The following RYR3 variants were observed in gnomAD, a reference collection of about 807,000 sequenced individuals.
RYR3 encodes the protein brain ryanodine receptor-calcium release channel.
RYR3 carries 207 observed loss-of-function variants against 584.3 expected under a neutral mutation model. The observed-to-expected ratio is 0.35, with a 90% CI of 0.32 to 0.40. The LOEUF is 0.40. Ranked by LOEUF, RYR3 falls within the 10% of genes least tolerant of loss-of-function variation. The pLI is 1.00. For synonymous variants in RYR3, 2,416 were observed against 2,248.5 expected (o/e 1.07, Z -2.11); for missense variants, 5,616 against 6,089.2 (o/e 0.92, Z 2.59).
At chr15:33,768,515 C>G in intron 60 of RYR3, 143 bp from the exon 61 acceptor site, 1 of 725,500 alleles carries the variant, frequency 1.4e-6, no homozygotes, top group Non-Finnish European at 2.5e-6. Flanking sequence ...CCAGAGGATT[C>G]TTTGCTAGGA....
intron 67 of RYR3, among the ~76,000 whole-genome samples, chr15:33,789,986 CTTTTT>C (rs757370991): frequency 4.7e-4 from 25 of 53,256 alleles, no homozygotes; most frequent in Non-Finnish European, 7.6e-4. Flanking sequence ...GCCTGGCCTT[CTTTTT>C]TTTTTTTTTT....
rs1300734856 is a variant in RYR3 at position 33,800,573 on chromosome 15, ATCTAC to A, written c.9831-192_9831-188del. ...ATAATTACTGTAGATCTTTCAAGAA[ATCTAC>A]TCTAATTATGTACCTATATCTGAAT... On this transcript the variant is annotated intron_variant, in intron 67 of 103. Transcript: ENST00000634891. 5.3e-5 allele frequency among the ~76,000 whole-genome samples: 8 copies of A among 152,340 alleles called. No homozygotes were observed. In the East Asian group the frequency reaches 1.3e-3, roughly 26 times the overall value.
chr15:33,568,937 T>C (rs936444127), intron 12 of RYR3, among the ~76,000 whole-genome samples: 1 of 152,242 alleles, frequency 6.6e-6, no homozygotes, highest in African/African-American at 2.4e-5. Flanking sequence ...ATGTTGTCTT[T>C]TGAATCTGGC....
At chr15:33,725,460 C>T (rs2068316409) in intron 45 of RYR3, among the ~76,000 whole-genome samples, 1 of 152,142 alleles carries the variant, frequency 6.6e-6, no homozygotes, top group African/African-American at 2.4e-5. Context: ...CAGAGACTGC[C>T]TGTGCAGGGG....
chr15:33,503,785 TC>T, intron 3 of RYR3, 47 bp downstream of exon 3: 2 of 1,088,886 alleles, frequency 1.8e-6, no homozygotes, highest in Non-Finnish European at 2.8e-6. Flanking sequence ...GTGCACCACA[TC>T]CCCAAAATAC....
chr15:33,649,128 C>T lies in RYR3; in HGVS notation c.4035C>T (p.Val1345=), dbSNP rs748742282. ...GACAGGATCCATCCTGTGTCTGGGT[C>T]GGATGGGTGACTCCAGACTATCACT... ...FAGQDPSCVW[V]GWVTPDYHLY... Residue 1345 remains valine (V), a synonymous_variant, in exon 31 of 104, where the codon GTC becomes GTT. Coordinates refer to ENST00000634891, the MANE Select transcript of RYR3 (RefSeq NM_001036.6). The T allele has an allele frequency of 1.8e-5, 29 of 1,613,610 alleles. No homozygotes were observed. The highest frequency in any genetic ancestry group is 5.5e-5 in the South Asian group (5 of 91,052).
At chr15:33,469,339 A>G (rs985585624) in intron 1 of RYR3, among the ~76,000 whole-genome samples, 1 of 152,188 alleles carries the variant, frequency 6.6e-6, no homozygotes, top group Admixed American at 6.5e-5. Context: ...TGGAAACCTC[A>G]GATACTAGTT....
chr15:33,635,457 A>G lies in RYR3; in HGVS notation c.3176-157A>G, dbSNP rs79483348. ...AGCTTGTATGGTGATGATGATGACG[A>G]TCATCATGAACAGAATGCCATATTG... On this transcript the variant is annotated intron_variant, in intron 25 of 103. Transcript: ENST00000634891. Among the ~76,000 whole-genome samples the G allele has an allele frequency of 1.8e-3, 272 of 152,328 alleles. 1 individual carries two copies. Among genetic ancestry groups the G allele is most frequent in the African/African-American group, 6.2e-3 (259 of 41,572 alleles).
chr15:33,669,960 C>T (rs1301015006), intron 37 of RYR3, among the ~76,000 whole-genome samples: 2 of 149,984 alleles, frequency 1.3e-5, no homozygotes, highest in African/African-American at 4.9e-5. Context: ...TGGATACGTA[C>T]CTACTGGTTT....
Position 33,738,578 on chromosome 15 carries a change from G to T in RYR3, c.7644G>T (p.Ser2548=). The change falls in exon 50 of 104, where the codon TCG becomes TCT. Residue 2548 remains serine, a synonymous_variant. Coordinates refer to ENST00000634891, the MANE Select transcript of RYR3 (RefSeq NM_001036.6). ...AGCTTTTCTGGGGGATTTTTGACTC[G>T]CTCTCCCATAAGGTAATGACAGTAC... ...TEKLFWGIFD[S]LSHKKYDPDL... is the part of the protein sequence containing the mutation. The T allele has an allele frequency of 1.2e-6, 2 of 1,613,866 alleles. No homozygotes were observed. The highest frequency in any genetic ancestry group is 1.3e-5 in the African/African-American group (1 of 75,006).
intron 19 of RYR3, among the ~76,000 whole-genome samples, chr15:33,621,628 C>G (rs2060729521): frequency 6.6e-6 from 1 of 152,102 alleles, no homozygotes; most frequent in Non-Finnish European, 1.5e-5. Flanking sequence ...AATTGTGATT[C>G]TAACTCTATA....
intron 1 of RYR3, among the ~76,000 whole-genome samples, chr15:33,408,468 A>G (rs754390529): frequency 8.5e-5 from 13 of 152,196 alleles, no homozygotes; most frequent in Non-Finnish European, 1.6e-4. Flanking sequence ...ATAAATATCA[A>G]TGATTGTGTC....
At chr15:33,644,552 G>A in intron 28 of RYR3, 33 bp downstream of exon 28, 2 of 1,559,818 alleles carry the variant, frequency 1.3e-6, no homozygotes, top group Non-Finnish European at 1.8e-6. Context: ...GCCCTGGCAG[G>A]TCAGGTGGGC....
At chr15:33,734,637 G>T (rs898546154) in intron 48 of RYR3, among the ~76,000 whole-genome samples, 1 of 151,282 alleles carries the variant, frequency 6.6e-6, no homozygotes, top group Non-Finnish European at 1.5e-5. Flanking sequence ...ACTGATTTGA[G>T]CTGCAAATAT....
chr15:33,657,033 T>G (rs1321132741), intron 32 of RYR3, among the ~76,000 whole-genome samples: 2 of 152,206 alleles, frequency 1.3e-5, no homozygotes, highest in Non-Finnish European at 2.9e-5. Context: ...CCAGAGGGCC[T>G]TCTCGAATCC....
At chr15:33,414,867 A>G (rs970814012) in intron 1 of RYR3, among the ~76,000 whole-genome samples, 1 of 152,210 alleles carries the variant, frequency 6.6e-6, no homozygotes, top group Admixed American at 6.5e-5. Flanking sequence ...TGCTGGGATT[A>G]CAGGCGTGAG....
chr15:33,345,123 A>G (rs1283656418), intron 1 of RYR3, among the ~76,000 whole-genome samples: 2 of 151,962 alleles, frequency 1.3e-5, no homozygotes, highest in South Asian at 2.1e-4. Flanking sequence ...CAAGTTCAGT[A>G]TGAAGTAACT....
intron 65 of RYR3, among the ~76,000 whole-genome samples, chr15:33,784,960 A>G (rs1040604054): frequency 5.3e-5 from 8 of 152,152 alleles, no homozygotes; most frequent in East Asian, 3.9e-4. Context: ...AGCACCCTCA[A>G]TCATTCAGGG....
intron 1 of RYR3, among the ~76,000 whole-genome samples, chr15:33,395,725 G>A (rs769078487): frequency 2.0e-5 from 3 of 152,152 alleles, no homozygotes; most frequent in Non-Finnish European, 4.4e-5. Context: ...TCACTCTGGG[G>A]CTTCTCCCTG....
Sources: gnomAD v4.1 joint callset for allele counts (sites outside exome capture counted in the v4.1 genomes callset) on GRCh38, gnomAD v4.1.1 for gene constraint, MANE v1.5 for transcripts, NCBI Gene and HGNC (gene_info 2026-07-23, HGNC 2026-07-21) for gene names.